The following SOX6 variants were observed in gnomAD, a reference collection of about 807,000 sequenced individuals.
SOX6 encodes SRY-box transcription factor 6.
In SOX6, 11 loss-of-function variants were observed where a neutral mutation model predicts 97.8. That is an observed-to-expected ratio of 0.11 (90% CI 0.07 to 0.19). SOX6 has a LOEUF of 0.19. Among genes scored for constraint, SOX6 ranks in the 10% least tolerant of loss-of-function variants. The probability of loss-of-function intolerance (pLI) is 1.00; values close to 1 mark genes in which losing one functional copy is unlikely to be tolerated. For missense variants in SOX6, 810 were observed against 1,039.5 expected (o/e 0.78, Z 3.04); for synonymous variants, 360 against 371.4 (o/e 0.97, Z 0.35).
chr11:16,278,446 A>C (rs1854462985), intron 3 of SOX6, among the ~76,000 whole-genome samples: 1 of 152,124 alleles, frequency 6.6e-6, no homozygotes, highest in Non-Finnish European at 1.5e-5. Flanking sequence ...CTTCCCACAA[A>C]TACACACTTC....
intron 4 of SOX6, among the ~76,000 whole-genome samples, chr11:16,530,271 G>A (rs1236941958): frequency 1.3e-5 from 2 of 151,990 alleles, no homozygotes; most frequent in African/African-American, 4.8e-5. Flanking sequence ...TTAACACATG[G>A]TAGATACTCA....
chr11:16,495,678 T>C (rs958756811), intron 4 of SOX6, among the ~76,000 whole-genome samples: 1 of 152,180 alleles, frequency 6.6e-6, no homozygotes, highest in African/African-American at 2.4e-5. Flanking sequence ...CCATTGCCCA[T>C]GCAACACCCA....
At chr11:16,653,086 A>G (rs1195280812) in intron 3 of SOX6, among the ~76,000 whole-genome samples, 1 of 152,236 alleles carries the variant, frequency 6.6e-6, no homozygotes, top group Non-Finnish European at 1.5e-5. Context: ...CTCCTGCAAG[A>G]ATGACCATAA....
chr11:16,663,949 TAG>T (rs946762115), intron 3 of SOX6, among the ~76,000 whole-genome samples: 3 of 152,168 alleles, frequency 2.0e-5, no homozygotes, highest in African/African-American at 7.2e-5. Context: ...AAGATCAATA[TAG>T]AGTCAGTAGA....
chr11:16,689,718 T>C (rs1847997995), intron 3 of SOX6, among the ~76,000 whole-genome samples: 1 of 152,226 alleles, frequency 6.6e-6, no homozygotes, highest in Admixed American at 6.5e-5. Context: ...TGGTATAAAA[T>C]GCTTTGCTTT....
At chr11:16,731,235 A>G (rs1848347389) in intron 2 of SOX6, among the ~76,000 whole-genome samples, 1 of 152,108 alleles carries the variant, frequency 6.6e-6, no homozygotes, top group African/African-American at 2.4e-5. Context: ...CTCCTCCCTA[A>G]CTCACTTTAT....
At chr11:16,339,374 C>T (rs533628501) in intron 2 of SOX6, among the ~76,000 whole-genome samples, 6 of 152,098 alleles carry the variant, frequency 3.9e-5, no homozygotes, top group South Asian at 2.1e-4. Flanking sequence ...TCTCCAGCGA[C>T]GAAGGCCATC....
rs990667435 is a variant in SOX6, at chr11:15,989,219, T to C, written c.1744A>G (p.Met582Val). 1.3e-5 allele frequency: 21 copies of C among 1,602,658 alleles called. No homozygotes were observed. Among genetic ancestry groups the C allele is most frequent in the East Asian group, 6.7e-5 (3 of 44,596 alleles). ...TGTAGTTTAGCTGCAGAGCCATTCATTGCTTTACTTCCTGTAATGTCAGGG... is the reference window on the plus strand; with the variant it reads ...TGTAGTTTAGCTGCAGAGCCATTCACTGCTTTACTTCCTGTAATGTCAGGG... ...RPEDAEGSKA[M>V]NGSAAKLQQY... Residue 582 changes from methionine to valine, a missense_variant, in exon 14 of 16, where the codon ATG becomes GTG. Met to Val is a conservative substitution (Grantham distance 21, BLOSUM62 1). Transcript: ENST00000683767.
At chr11:16,035,203 G>C (rs904087813) in intron 12 of SOX6, among the ~76,000 whole-genome samples, 3 of 152,160 alleles carry the variant, frequency 2.0e-5, no homozygotes, top group Admixed American at 6.5e-5. Flanking sequence ...GGACACATGG[G>C]CAGGGATAGG....
intron 12 of SOX6, among the ~76,000 whole-genome samples, chr11:16,023,850 A>G (rs936233450): frequency 1.3e-5 from 2 of 152,218 alleles, no homozygotes; most frequent in African/African-American, 4.8e-5. Flanking sequence ...AGCCATGCAA[A>G]CAAAGACATT....
At chr11:16,225,068 T>A (rs1025033862) in intron 4 of SOX6, among the ~76,000 whole-genome samples, 2 of 152,006 alleles carry the variant, frequency 1.3e-5, no homozygotes, top group South Asian at 2.1e-4. Context: ...AGGAAAAACA[T>A]CTGTTGTGAC....
intron 12 of SOX6, among the ~76,000 whole-genome samples, chr11:16,029,960 A>C (rs77326861): frequency 6.6e-6 from 1 of 152,354 alleles, no homozygotes; most frequent in African/African-American, 2.4e-5. Context: ...CTGATTAAAT[A>C]AAACTCATAT....
intron 3 of SOX6, among the ~76,000 whole-genome samples, chr11:16,628,479 A>G (rs977494788): frequency 6.6e-6 from 1 of 152,066 alleles, no homozygotes; most frequent in Non-Finnish European, 1.5e-5. Context: ...CAAAAAAATT[A>G]GCTGGGTATG....
At chr11:16,206,877 G>C (rs1393609005) in intron 4 of SOX6, among the ~76,000 whole-genome samples, 1 of 152,134 alleles carries the variant, frequency 6.6e-6, no homozygotes, top group Non-Finnish European at 1.5e-5. Context: ...AGGCATGGTA[G>C]ATATGATCAT....
At chr11:16,635,632 C>G (rs1315424052) in intron 3 of SOX6, among the ~76,000 whole-genome samples, 1 of 152,196 alleles carries the variant, frequency 6.6e-6, no homozygotes, top group South Asian at 2.1e-4. Context: ...GAGCCAAATG[C>G]TAATCACCAA....
At chr11:16,036,824 G>A (rs1024255548) in intron 12 of SOX6, among the ~76,000 whole-genome samples, 4 of 152,238 alleles carry the variant, frequency 2.6e-5, no homozygotes, top group Non-Finnish European at 4.4e-5. Flanking sequence ...AAGTGATCGC[G>A]TATGCTTCTC....
chr11:16,215,766 T>A (rs1216225987), intron 4 of SOX6, among the ~76,000 whole-genome samples: 12 of 152,224 alleles, frequency 7.9e-5, no homozygotes, highest in Admixed American at 7.9e-4. Context: ...TTTTCTGTAA[T>A]TCTAGTCCCA....
chr11:16,197,891 C>T (rs1851825499), intron 4 of SOX6, among the ~76,000 whole-genome samples: 2 of 152,132 alleles, frequency 1.3e-5, no homozygotes, highest in South Asian at 2.1e-4. Flanking sequence ...AATTTCTAAG[C>T]CTCTACTTAT....
At chr11:16,020,445 T>C (rs1189603689) in intron 12 of SOX6, among the ~76,000 whole-genome samples, 1 of 152,118 alleles carries the variant, frequency 6.6e-6, no homozygotes, top group African/African-American at 2.4e-5. Context: ...GCTTCCCATG[T>C]CTACTGCATT....
Sources: allele counts gnomAD v4.1 joint callset (sites outside exome capture counted in the v4.1 genomes callset), GRCh38; gene constraint gnomAD v4.1.1; transcripts MANE v1.5; gene names NCBI Gene and HGNC (gene_info 2026-07-23, HGNC 2026-07-21).